Variants in PTBP2 observed in about 807,000 individuals in gnomAD.
The protein encoded by PTBP2 is polypyrimidine tract-binding protein 2.
In PTBP2, 13 loss-of-function variants were observed where a neutral mutation model predicts 61.4. The observed-to-expected ratio is 0.21, with a 90% CI of 0.14 to 0.34. PTBP2 has a LOEUF of 0.34. PTBP2 is among the 10% of genes least tolerant of loss of function. The probability of loss-of-function intolerance (pLI) is 1.00; values close to 1 mark genes in which losing one functional copy is unlikely to be tolerated. For missense variants in PTBP2, 405 were observed against 642.6 expected (o/e 0.63, Z 4.00); for synonymous variants, 215 against 218.5 (o/e 0.98, Z 0.14).
At chr1:96,783,291 A>C (rs891736364) in intron 7 of PTBP2, among the ~76,000 whole-genome samples, 1 of 151,960 alleles carries the variant, frequency 6.6e-6, no homozygotes, top group African/African-American at 2.4e-5. Context: ...CAGATGATTA[A>C]TTTACATCTT....
chr1:96,746,905 C>G (rs1438377675), intron 2 of PTBP2, among the ~76,000 whole-genome samples: 2 of 55,624 alleles, frequency 3.6e-5, no homozygotes, highest in African/African-American at 1.8e-4. Flanking sequence ...CTCCCTCCCT[C>G]CCTCCCTCCC....
At chr1:96,787,059 C>T (rs532474857) in intron 8 of PTBP2, among the ~76,000 whole-genome samples, 16 of 152,204 alleles carry the variant, frequency 1.1e-4, no homozygotes, top group African/African-American at 3.6e-4. Context: ...CTCACTCTGT[C>T]GCCCGTGTCA....
chr1:96,776,959 G>A (rs771967582), intron 5 of PTBP2, among the ~76,000 whole-genome samples: 1 of 151,778 alleles, frequency 6.6e-6, no homozygotes, highest in Non-Finnish European at 1.5e-5. Context: ...TATAATTAAT[G>A]GTGTATTTGA....
At chr1:96,778,422 A>C (rs1268859864) in intron 7 of PTBP2, among the ~76,000 whole-genome samples, 1 of 151,844 alleles carries the variant, frequency 6.6e-6, no homozygotes, top group Non-Finnish European at 1.5e-5. Flanking sequence ...GTTTCTAGTC[A>C]CTTTTTATTC....
chr1:96,756,151 C>A (rs530378925), intron 3 of PTBP2, among the ~76,000 whole-genome samples: 2 of 152,158 alleles, frequency 1.3e-5, no homozygotes, highest in Admixed American at 6.5e-5. Context: ...GTAATCCCAG[C>A]GCTTTGGGAA....
chr1:96,799,294 C>CTTTTTTTTTTTTTTTTTTTTTTTTTTGT (rs373815292), intron 8 of PTBP2, among the ~76,000 whole-genome samples: 1 of 92,198 alleles, frequency 1.1e-5, no homozygotes, highest in African/African-American at 4.8e-5. Flanking sequence ...ATAGATCAAG[C>CTTTTTTTTTTTTTTTTTTTTTTTTTTGT]TTTTTTTTTT....
chr1:96,812,986 T>C, intron 12 of PTBP2, 43 bp from the exon 13 acceptor site: 1 of 1,595,262 alleles, frequency 6.3e-7, no homozygotes. Flanking sequence ...AATATGAAAT[T>C]TATTCTTAAT....
At chr1:96,819,511 ATTCTC>A (rs1557790178), downstream of PTBP2, 1 of 151,628 alleles carries the variant, frequency 6.6e-6, no homozygotes, top group Non-Finnish European at 1.5e-5. Context: ...TTCTTCCATC[ATTCTC>A]TTCTTTGCAA....
chr1:96,795,310 G>A (rs575218739), intron 8 of PTBP2, among the ~76,000 whole-genome samples: 17 of 152,264 alleles, frequency 1.1e-4, no homozygotes, highest in Admixed American at 9.2e-4. Flanking sequence ...TGCAAAGTAA[G>A]AAACAAATAT....
chr1:96,755,064 C>T (rs571108666), intron 3 of PTBP2, among the ~76,000 whole-genome samples: 1 of 152,142 alleles, frequency 6.6e-6, no homozygotes, highest in Non-Finnish European at 1.5e-5. Context: ...AAGCCATAAA[C>T]TGGAAGAACA....
chr1:96,788,485 G>GGT (rs1659444107), intron 8 of PTBP2, among the ~76,000 whole-genome samples: 1 of 151,908 alleles, frequency 6.6e-6, no homozygotes, highest in African/African-American at 2.4e-5. Context: ...GCATGAGTGA[G>GGT]GTCATGCCTT....
intron 7 of PTBP2, chr1:96,784,817 T>C (rs1386152417): frequency 2.6e-6 from 1 of 390,600 alleles, no homozygotes; most frequent in African/African-American, 2.1e-5. Context: ...AGTATTAGCA[T>C]GGATGCTTAG....
exon 14 of PTBP2, chr1:96,823,585 G>T (rs1662751660): frequency 6.6e-6 from 1 of 152,058 alleles, no homozygotes; most frequent in South Asian, 2.1e-4. Context: ...AATTTGAGTA[G>T]AATTATACGT....
chr1:96,820,353 G>A (rs993356601), exon 14 of PTBP2: 1 of 152,010 alleles, frequency 6.6e-6, no homozygotes, highest in African/African-American at 2.4e-5. Flanking sequence ...CCACAGTACA[G>A]CTGGTTCTAT....
chr1:96,776,116 C>T (rs1658006842), intron 5 of PTBP2, among the ~76,000 whole-genome samples: 1 of 151,764 alleles, frequency 6.6e-6, no homozygotes, highest in Non-Finnish European at 1.5e-5. Context: ...TCATGGATTC[C>T]TATTTTAGAA....
At chr1:96,769,938 T>C in intron 4 of PTBP2, 63 bp downstream of exon 4, 1 of 1,280,686 alleles carries the variant, frequency 7.8e-7, no homozygotes, top group Non-Finnish European at 1.0e-6. Flanking sequence ...TGTGAATTAA[T>C]TGTAAAAGGG....
rs76334280 is a variant in PTBP2 at position 96,758,864 on chromosome 1, T to C, written c.115+7364T>C. 3.9e-5 allele frequency among the ~76,000 whole-genome samples: 6 copies of C among 152,254 alleles called. No homozygotes were observed. The East Asian group carries it at 1.2e-3, about 29-fold the overall frequency. Reference sequence around the variant, plus strand: ...GATTGTAAAGGAAGAAAGAAAACTGTCTTATTCACCATTCAACATGCTTTT... The same window carrying C: ...GATTGTAAAGGAAGAAAGAAAACTGCCTTATTCACCATTCAACATGCTTTT... On this transcript the variant is annotated intron_variant, in intron 3 of 13. Coordinates refer to ENST00000674951, the MANE Select transcript of PTBP2 (RefSeq NM_021190.4).
chr1:96,733,084 T>C (rs899720538), intron 2 of PTBP2, among the ~76,000 whole-genome samples: 1 of 152,068 alleles, frequency 6.6e-6, no homozygotes, highest in African/African-American at 2.4e-5. Context: ...CTTATAGTTT[T>C]GTAGGTGAGA....
chr1:96,778,222 CAGG>C (rs1309230136), intron 7 of PTBP2, among the ~76,000 whole-genome samples: 3 of 144,984 alleles, frequency 2.1e-5, no homozygotes. Context: ...AAGAAAAAAG[CAGG>C]ACTATATTGT....
Sources: gnomAD v4.1 joint callset for allele counts (sites outside exome capture counted in the v4.1 genomes callset) on GRCh38, gnomAD v4.1.1 for gene constraint, MANE v1.5 for transcripts, NCBI Gene and HGNC (gene_info 2026-07-23, HGNC 2026-07-21) for gene names.